CEP63: variants seen among roughly 807,000 people sequenced by gnomAD.
The protein encoded by CEP63 is centrosomal protein 63.
Under a neutral mutation model 89.1 loss-of-function variants are expected in CEP63, and 84 were observed. The observed-to-expected ratio is 0.94, with a 90% confidence interval of 0.79 to 1.13. The LOEUF is 1.13. CEP63 is among the 50% of genes most tolerant of loss of function. The pLI, the probability that CEP63 is intolerant of heterozygous loss-of-function variation, is 0.00. For synonymous variants in CEP63, 267 were observed against 272.5 expected, an observed-to-expected ratio of 0.98 and a Z score of 0.20; for missense variants, 838 against 813.3, an observed-to-expected ratio of 1.03 and a Z score of -0.37.
intron 3 of CEP63, among the ~76,000 whole-genome samples, chr3:134,508,548 T>G (rs958569029): frequency 2.4e-4 from 36 of 152,320 alleles, no homozygotes; most frequent in African/African-American, 8.7e-4. Context: ...GTTTTCTGGT[T>G]GATAAATAGA....
At chr3:134,705,931 C>T in the CEP63 span, among the ~76,000 whole-genome samples, 1 of 152,296 alleles carries the variant, frequency 6.6e-6, no homozygotes, top group South Asian at 2.1e-4. Context: ...TTTTCAGTGA[C>T]AAATTCATAG....
chr3:134,777,453 T>C, the CEP63 span, among the ~76,000 whole-genome samples: 2 of 152,152 alleles, frequency 1.3e-5, no homozygotes, highest in Non-Finnish European at 2.9e-5. Context: ...ACCTCATTTT[T>C]CAGAGGGGTC....
chr3:134,753,373 G>A, the CEP63 span, among the ~76,000 whole-genome samples: 1 of 152,132 alleles, frequency 6.6e-6, no homozygotes, highest in Non-Finnish European at 1.5e-5. Flanking sequence ...TGACTCCTGG[G>A]CCTTCCCAGC....
chr3:134,736,937 C>A, the CEP63 span, among the ~76,000 whole-genome samples: 18 of 152,224 alleles, frequency 1.2e-4, no homozygotes, highest in East Asian at 2.9e-3. Context: ...GTAACAGAGA[C>A]AATTTGTTCT....
chr3:134,579,197 C>G (rs1019613748), downstream of CEP63, among the ~76,000 whole-genome samples: 2 of 152,226 alleles, frequency 1.3e-5, no homozygotes, highest in African/African-American at 4.8e-5. Context: ...TAAGGCAACA[C>G]CATACATGAA....
chr3:134,497,393 C>G (rs370547961), intron 2 of CEP63, among the ~76,000 whole-genome samples: 2 of 151,982 alleles, frequency 1.3e-5, no homozygotes, highest in Non-Finnish European at 2.9e-5. Flanking sequence ...TTTTTAGAGA[C>G]GGGTGTCTCA....
At chr3:134,696,090 A>G in the CEP63 span, among the ~76,000 whole-genome samples, 1 of 152,224 alleles carries the variant, frequency 6.6e-6, no homozygotes, top group African/African-American at 2.4e-5. Context: ...AGGCTCTTTT[A>G]GAGACACAGA....
chr3:134,610,594 G>A, the CEP63 span: 1 of 526,662 alleles, frequency 1.9e-6, no homozygotes, highest in African/African-American at 1.9e-5. Flanking sequence ...TGGTCCTGTT[G>A]GTACAGACTG....
the CEP63 span, chr3:134,608,223 G>C: frequency 8.4e-7 from 1 of 1,187,066 alleles, no homozygotes; most frequent in South Asian, 1.6e-5. Flanking sequence ...TTCTGTTGGG[G>C]ACCTGAGCCC....
chr3:134,627,674 G>T, the CEP63 span: 1 of 1,269,636 alleles, frequency 7.9e-7, no homozygotes, highest in African/African-American at 1.5e-5. Context: ...GGCCCAGGAA[G>T]CAACTGTCAA....
At chr3:134,627,864 A>G in the CEP63 span, 1 of 1,483,810 alleles carries the variant, frequency 6.7e-7, no homozygotes, top group South Asian at 1.1e-5. Context: ...CAGAAGAAAC[A>G]GAAATGCAAG....
chr3:134,684,502 T>C, the CEP63 span, among the ~76,000 whole-genome samples: 4 of 152,230 alleles, frequency 2.6e-5, no homozygotes, highest in Admixed American at 2.6e-4. Context: ...TCTATGGACA[T>C]ACTTCCTGCC....
the CEP63 span, among the ~76,000 whole-genome samples, chr3:134,747,297 C>G: frequency 6.6e-6 from 1 of 152,206 alleles, no homozygotes; most frequent in South Asian, 2.1e-4. Flanking sequence ...TGTTTTGGTA[C>G]CAGTACCATG....
At chr3:134,643,266 T>C in the CEP63 span, 2 of 1,583,146 alleles carry the variant, frequency 1.3e-6, no homozygotes, top group South Asian at 2.2e-5. Context: ...GAGCATCAGG[T>C]CTGGGCACAC....
chr3:134,552,113 T>C (rs996537616), intron 12 of CEP63, 101 bp downstream of exon 12: 2 of 664,746 alleles, frequency 3.0e-6, no homozygotes, highest in African/African-American at 3.7e-5. Flanking sequence ...TCAACTTAGA[T>C]CCTTTTGCAG....
At chr3:134,716,728 C>T in the CEP63 span, among the ~76,000 whole-genome samples, 6 of 152,174 alleles carry the variant, frequency 3.9e-5, no homozygotes, top group Non-Finnish European at 8.8e-5. Context: ...TGCACAACAG[C>T]CACCCCCCCA....
the CEP63 span, among the ~76,000 whole-genome samples, chr3:134,631,545 TTTTGATA>T: frequency 0.6 from 90,506 of 151,202 alleles, 27,834 homozygotes; most frequent in East Asian, 0.85. Context: ...TCTGATAGGT[TTTTGATA>T]TATTAGATGT....
At chr3:134,657,337 AC>A in the CEP63 span, among the ~76,000 whole-genome samples, 1 of 152,220 alleles carries the variant, frequency 6.6e-6, no homozygotes, top group African/African-American at 2.4e-5. Flanking sequence ...TCTGGGAGAT[AC>A]AATTCAACTT....
the CEP63 span, among the ~76,000 whole-genome samples, chr3:134,613,708 G>A: frequency 6.6e-6 from 1 of 152,240 alleles, no homozygotes; most frequent in Non-Finnish European, 1.5e-5. Context: ...ACTCTGATAT[G>A]AGGATATTTT....
Sources: gnomAD v4.1 joint callset for allele counts (sites outside exome capture counted in the v4.1 genomes callset) on GRCh38, gnomAD v4.1.1 for gene constraint, MANE v1.5 for transcripts, NCBI Gene and HGNC (gene_info 2026-07-23, HGNC 2026-07-21) for gene names.